Variants in ATP10A observed in about 807,000 individuals in gnomAD.
ATP10A encodes the protein ATPase phospholipid transporting 10A (putative).
In ATP10A, 111 loss-of-function variants were observed where a neutral mutation model predicts 147.8. That is an observed-to-expected ratio of 0.75 (90% CI 0.64 to 0.88). ATP10A has a LOEUF of 0.88. ATP10A is among the 40% of genes least tolerant of loss of function. The probability of loss-of-function intolerance (pLI) is 0.00; values close to 1 mark genes in which losing one functional copy is unlikely to be tolerated. For missense variants in ATP10A, 1,927 were observed against 1,959.0 expected (o/e 0.98, Z 0.31); for synonymous variants, 875 against 841.6 (o/e 1.04, Z -0.69).
chr15:25,753,170 A>G (rs1888240715), intron 2 of ATP10A, among the ~76,000 whole-genome samples: 1 of 152,168 alleles, frequency 6.6e-6, no homozygotes, highest in Non-Finnish European at 1.5e-5. Context: ...AGCACACTGT[A>G]CAACAGAACT....
intron 1 of ATP10A, among the ~76,000 whole-genome samples, chr15:25,819,889 T>C (rs756840983): frequency 1.3e-5 from 2 of 151,852 alleles, no homozygotes; most frequent in Non-Finnish European, 2.9e-5. Context: ...CACAAGGATA[T>C]AGAGTGTAAA....
At chr15:25,758,984 T>C (rs1888603838) in intron 2 of ATP10A, among the ~76,000 whole-genome samples, 1 of 152,128 alleles carries the variant, frequency 6.6e-6, no homozygotes, top group Admixed American at 6.5e-5. Context: ...TGTCAGTCTC[T>C]TTAAATTAGC....
chr15:25,785,096 C>G (rs1438879262), intron 1 of ATP10A, among the ~76,000 whole-genome samples: 1 of 152,026 alleles, frequency 6.6e-6, no homozygotes, highest in Non-Finnish European at 1.5e-5. Flanking sequence ...AATCCTGCAA[C>G]CACTCCAGCT....
intron 1 of ATP10A, among the ~76,000 whole-genome samples, chr15:25,827,733 C>A (rs1250867003): frequency 6.6e-6 from 1 of 152,080 alleles, no homozygotes; most frequent in African/African-American, 2.4e-5. Flanking sequence ...GAGGAACAGA[C>A]AAATAAAAAT....
chr15:25,724,657 C>T (rs1446813269), intron 5 of ATP10A, among the ~76,000 whole-genome samples: 1 of 152,206 alleles, frequency 6.6e-6, no homozygotes, highest in East Asian at 1.9e-4. Context: ...TTTCTCTTTT[C>T]ATGAAGTTCC....
chr15:25,861,016 G>A (rs1479910927), intron 1 of ATP10A, among the ~76,000 whole-genome samples: 1 of 152,164 alleles, frequency 6.6e-6, no homozygotes, highest in Non-Finnish European at 1.5e-5. Context: ...GGGACACGGA[G>A]GCCATTTGTG....
At chr15:25,705,467 C>CAAAAAAAAAAAAAACA (rs11428171) in intron 12 of ATP10A, among the ~76,000 whole-genome samples, 2 of 127,950 alleles carry the variant, frequency 1.6e-5, no homozygotes, top group East Asian at 2.2e-4. Flanking sequence ...AAAAAAAAAA[C>CAAAAAAAAAAAAAACA]AAAAAAAATC....
chr15:25,785,005 G>A (rs368256391), intron 1 of ATP10A, among the ~76,000 whole-genome samples: 117 of 152,014 alleles, frequency 7.7e-4, no homozygotes, highest in African/African-American at 2.7e-3. Flanking sequence ...TCAGATTCAG[G>A]AGCCCCTTAT....
chr15:25,794,766 T>G (rs1162252791), intron 1 of ATP10A, among the ~76,000 whole-genome samples: 1 of 152,164 alleles, frequency 6.6e-6, no homozygotes, highest in Non-Finnish European at 1.5e-5. Context: ...TTTTCCTCCT[T>G]GGGTAAAATA....
intron 1 of ATP10A, among the ~76,000 whole-genome samples, chr15:25,817,512 G>A (rs572633306): frequency 1.1e-4 from 16 of 152,290 alleles, no homozygotes; most frequent in African/African-American, 3.8e-4. Context: ...TAGCAATATG[G>A]GGAAATACAA....
intron 1 of ATP10A, among the ~76,000 whole-genome samples, chr15:25,829,346 AG>A (rs1360787630): frequency 6.6e-6 from 1 of 152,204 alleles, no homozygotes; most frequent in Non-Finnish European, 1.5e-5. Flanking sequence ...ACTTAGGCTA[AG>A]GAGGCAAGAT....
intron 10 of ATP10A, among the ~76,000 whole-genome samples, chr15:25,711,995 CT>C (rs1389697190): frequency 2.6e-5 from 4 of 152,198 alleles, no homozygotes; most frequent in African/African-American, 7.2e-5. Flanking sequence ...ACCACTGTTC[CT>C]TTTGCCATGG....
At chr15:25,828,509 G>A (rs1052029955) in intron 1 of ATP10A, among the ~76,000 whole-genome samples, 5 of 152,148 alleles carry the variant, frequency 3.3e-5, no homozygotes, top group African/African-American at 1.2e-4. Context: ...ACATACATAC[G>A]TGGACATTAA....
intron 1 of ATP10A, among the ~76,000 whole-genome samples, chr15:25,801,131 C>A (rs2140781091): frequency 6.6e-6 from 1 of 152,236 alleles, no homozygotes; most frequent in Admixed American, 6.5e-5. Flanking sequence ...GGGGTCTATG[C>A]CCCCATGTGT....
intron 5 of ATP10A, among the ~76,000 whole-genome samples, chr15:25,724,842 C>T (rs1183041340): frequency 6.6e-6 from 1 of 152,162 alleles, no homozygotes; most frequent in Admixed American, 6.5e-5. Context: ...GTTCCATATC[C>T]GTGGATTCAA....
chr15:25,767,183 C>G (rs899709766), intron 2 of ATP10A, among the ~76,000 whole-genome samples: 4 of 152,182 alleles, frequency 2.6e-5, no homozygotes, highest in Non-Finnish European at 5.9e-5. Flanking sequence ...CCTGAGAGTG[C>G]CAAGGTTAGA....
chr15:25,770,939 C>T (rs914010160), intron 2 of ATP10A, among the ~76,000 whole-genome samples: 4 of 152,134 alleles, frequency 2.6e-5, no homozygotes, highest in East Asian at 1.9e-4. Flanking sequence ...GAACTCGGGT[C>T]GCACAGGGGA....
At chr15:25,854,139 G>A (rs1430973941) in intron 1 of ATP10A, among the ~76,000 whole-genome samples, 1 of 152,162 alleles carries the variant, frequency 6.6e-6, no homozygotes, top group South Asian at 2.1e-4. Flanking sequence ...AGCTGGGCCA[G>A]CCAAAATAGA....
At chr15:25,850,580 T>C (rs1893242599) in intron 1 of ATP10A, among the ~76,000 whole-genome samples, 1 of 152,050 alleles carries the variant, frequency 6.6e-6, no homozygotes, top group African/African-American at 2.4e-5. Flanking sequence ...TTTGGAGAAC[T>C]GGAACTGTGT....
Sources: gnomAD v4.1 joint callset for allele counts (sites outside exome capture counted in the v4.1 genomes callset) on GRCh38, gnomAD v4.1.1 for gene constraint, MANE v1.5 for transcripts, NCBI Gene and HGNC (gene_info 2026-07-23, HGNC 2026-07-21) for gene names.